NR3C2: variants seen among roughly 807,000 people sequenced by gnomAD.
NR3C2 encodes the protein mineralocorticoid receptor.
NR3C2 carries 15 observed loss-of-function variants against 86.4 expected under a neutral mutation model. The ratio of observed to expected loss-of-function variants is 0.17; its 90% CI spans 0.12 to 0.27. The LOEUF is 0.27. NR3C2 is among the 10% of genes least tolerant of loss of function. NR3C2 has a pLI of 1.00. For synonymous variants in NR3C2, 458 were observed against 450.5 expected, an observed-to-expected ratio of 1.02 and a Z score of -0.21; for missense variants, 960 against 1,195.6, an observed-to-expected ratio of 0.80 and a Z score of 2.91.
At chr4:148,275,268 G>A (rs1038486156) in intron 2 of NR3C2, among the ~76,000 whole-genome samples, 2 of 152,120 alleles carry the variant, frequency 1.3e-5, no homozygotes, top group Non-Finnish European at 2.9e-5. Flanking sequence ...TGTTAGGGTG[G>A]AAGAAAACTT....
At chr4:148,368,879 G>A (rs1237920044) in intron 2 of NR3C2, among the ~76,000 whole-genome samples, 1 of 152,202 alleles carries the variant, frequency 6.6e-6, no homozygotes, top group Non-Finnish European at 1.5e-5. Flanking sequence ...GCCATGTAGA[G>A]ACAGAACTTG....
chr4:148,377,494 G>A (rs1373614215), intron 2 of NR3C2, among the ~76,000 whole-genome samples: 3 of 152,222 alleles, frequency 2.0e-5, no homozygotes, highest in Non-Finnish European at 1.5e-5. Flanking sequence ...AGGGGGCACA[G>A]CAACTGGCAA....
At position 148,167,513 on chromosome 4, in the gene NR3C2, T is replaced by C. The variant is rs562306215; in HGVS notation, c.2015-12612A>G. Among the ~76,000 whole-genome samples the C allele has an allele frequency of 3.2e-4, 49 of 152,318 alleles. No individual in the cohort carries two copies. In the South Asian group the frequency reaches 4.8e-3, roughly 15 times the overall value. On this transcript the variant is annotated intron_variant, in intron 4 of 8. Coordinates refer to ENST00000358102, the MANE Select transcript of NR3C2 (RefSeq NM_000901.5). ...GTCAGATATTCTCCCTTCACAGATA[T>C]GATCATAGAGGATAAAGATCATAAG...
intron 2 of NR3C2, among the ~76,000 whole-genome samples, chr4:148,426,656 T>A (rs943307288): frequency 1.3e-5 from 2 of 152,210 alleles, no homozygotes; most frequent in African/African-American, 4.8e-5. Flanking sequence ...GCACTATTCC[T>A]CCAAGTTCCT....
At chr4:148,217,144 T>C (rs1477980183) in intron 3 of NR3C2, among the ~76,000 whole-genome samples, 1 of 152,232 alleles carries the variant, frequency 6.6e-6, no homozygotes, top group African/African-American at 2.4e-5. Context: ...AAAGCACTTA[T>C]TTGCATGACT....
chr4:148,125,399 G>C (rs1015322929), intron 6 of NR3C2, among the ~76,000 whole-genome samples: 2 of 152,144 alleles, frequency 1.3e-5, no homozygotes, highest in Admixed American at 6.5e-5. Flanking sequence ...GGCCTTGTTG[G>C]AGTCTAGCTT....
At chr4:148,206,081 G>C (rs1396771135) in intron 3 of NR3C2, among the ~76,000 whole-genome samples, 1 of 152,200 alleles carries the variant, frequency 6.6e-6, no homozygotes, top group African/African-American at 2.4e-5. Context: ...CACTCTAGTA[G>C]TTCAGTGGAA....
chr4:148,275,552 C>G (rs960383132), intron 2 of NR3C2, among the ~76,000 whole-genome samples: 1 of 151,862 alleles, frequency 6.6e-6, no homozygotes, highest in Non-Finnish European at 1.5e-5. Flanking sequence ...TGCCTCAGCC[C>G]CACAAGTAGC....
intron 2 of NR3C2, among the ~76,000 whole-genome samples, chr4:148,295,076 T>C (rs995317208): frequency 1.8e-4 from 28 of 152,088 alleles, no homozygotes; most frequent in African/African-American, 6.8e-4. Context: ...TAATAAAATA[T>C]GACATTTAAA....
chr4:148,411,236 G>A (rs556692541), intron 2 of NR3C2, among the ~76,000 whole-genome samples: 2 of 152,050 alleles, frequency 1.3e-5, no homozygotes, highest in South Asian at 4.2e-4. Context: ...AATCATCCTG[G>A]CTATAACCAC....
At chr4:148,439,232 A>G (rs1368784183) in intron 1 of NR3C2, among the ~76,000 whole-genome samples, 1 of 152,216 alleles carries the variant, frequency 6.6e-6, no homozygotes, top group African/African-American at 2.4e-5. Context: ...TGCTGCTTCT[A>G]TTTCTACCTA....
intron 6 of NR3C2, chr4:148,146,827 T>C (rs371042424): frequency 6.6e-6 from 1 of 152,230 alleles, no homozygotes; most frequent in African/African-American, 2.4e-5. Flanking sequence ...CATTTTTTAC[T>C]AGGCTACTAC....
intron 3 of NR3C2, among the ~76,000 whole-genome samples, chr4:148,202,881 G>A (rs1247616679): frequency 6.6e-6 from 1 of 152,084 alleles, no homozygotes; most frequent in Non-Finnish European, 1.5e-5. Flanking sequence ...GGTCATTATG[G>A]GAATCCAAAT....
intron 3 of NR3C2, among the ~76,000 whole-genome samples, chr4:148,202,960 T>A (rs1391309378): frequency 6.6e-6 from 1 of 152,266 alleles, no homozygotes. Flanking sequence ...AAAAACATTC[T>A]TGAACAAATT....
chr4:148,172,869 A>C (rs1735196486), intron 4 of NR3C2, among the ~76,000 whole-genome samples: 2 of 152,264 alleles, frequency 1.3e-5, no homozygotes, highest in Non-Finnish European at 2.9e-5. Context: ...ACTCCATCTA[A>C]GGAAGTCATT....
intron 2 of NR3C2, among the ~76,000 whole-genome samples, chr4:148,307,677 G>T (rs966943112): frequency 6.6e-6 from 1 of 152,012 alleles, no homozygotes; most frequent in Non-Finnish European, 1.5e-5. Flanking sequence ...TACCTTGGGG[G>T]TAGTCGGGAA....
chr4:148,123,892 T>C (rs1270845230), intron 6 of NR3C2, among the ~76,000 whole-genome samples: 1 of 152,256 alleles, frequency 6.6e-6, no homozygotes, highest in Non-Finnish European at 1.5e-5. Flanking sequence ...GAGTTCAGTT[T>C]CTTACTTATT....
At chr4:148,270,551 C>A (rs1234248722) in intron 2 of NR3C2, among the ~76,000 whole-genome samples, 4 of 152,058 alleles carry the variant, frequency 2.6e-5, no homozygotes, top group Admixed American at 2.0e-4. Context: ...TATTTCAAAC[C>A]TACTATCTGA....
At chr4:148,179,265 C>T (rs778977598) in intron 4 of NR3C2, among the ~76,000 whole-genome samples, 5 of 151,484 alleles carry the variant, frequency 3.3e-5, no homozygotes, top group Admixed American at 2.0e-4. Context: ...AAGGACAGTT[C>T]GGATTATAGG....
Sources: gnomAD v4.1 joint callset for allele counts (sites outside exome capture counted in the v4.1 genomes callset) on GRCh38, gnomAD v4.1.1 for gene constraint, MANE v1.5 for transcripts, NCBI Gene and HGNC (gene_info 2026-07-23, HGNC 2026-07-21) for gene names.